Variants in PRKCG observed in about 807,000 individuals in gnomAD.
PRKCG encodes the protein protein kinase C gamma type.
Under a neutral mutation model 82.0 loss-of-function variants are expected in PRKCG, and 28 were observed. That is an observed-to-expected ratio of 0.34 (90% CI 0.25 to 0.47). The LOEUF is 0.47. PRKCG is among the 20% of genes least tolerant of loss of function. The probability of loss-of-function intolerance (pLI) is 1.00; values close to 1 mark genes in which losing one functional copy is unlikely to be tolerated. For missense variants in PRKCG, 640 were observed against 952.7 expected (o/e 0.67, Z 4.32); for synonymous variants, 383 against 376.6 (o/e 1.02, Z -0.20).
Position 53,882,462 on chromosome 19 carries a change from C to G in PRKCG, c.-33C>G. 6.3e-7 allele frequency: 1 copy of G among 1,598,244 alleles called. No individual in the cohort carries two copies. On this transcript the variant is annotated 5_prime_UTR_variant, in exon 1 of 18. Coordinates refer to ENST00000263431, the MANE Select transcript of PRKCG (RefSeq NM_002739.5). This position sits in a 1 kb window ranked among gnomAD's most constrained non-coding sequence, Gnocchi z 6.1. ...TTCCACCTGTTTCCCCCAAGAAAGG[C>G]AGGATCCTGGTCCCTGCTACGTTTC...
intron 15 of PRKCG, 150 bp downstream of exon 15, chr19:53,903,303 GTGTTTTGTTTTGTTT>G: frequency 1.3e-6 from 1 of 744,430 alleles, no homozygotes. Context: ...TGTAGACCAG[GTGTTTTGTTTTGTTT>G]TGTTTTGTTT....
At chr19:53,893,491 T>A (rs550607891) in intron 9 of PRKCG, 100 bp downstream of exon 9, 2 of 1,291,614 alleles carry the variant, frequency 1.5e-6, no homozygotes, top group East Asian at 4.6e-5. Context: ...ACACATGAGT[T>A]GAGCACACAT....
At position 53,894,444 on chromosome 19, in the gene PRKCG, CT is replaced by C. The variant is rs201216921; in HGVS notation, c.939+1058del. On this transcript the variant is annotated intron_variant, in intron 9 of 17. Coordinates refer to ENST00000263431, the MANE Select transcript of PRKCG (RefSeq NM_002739.5). ...ATTCATTCACTCACTGAATATCCTT[CT>C]TTTTCTTTCTTTCTTTCTTTCTTTT... 5.7e-3 allele frequency among the ~76,000 whole-genome samples: 861 copies of C among 150,820 alleles called. 10 individuals carry two copies. The highest frequency in any genetic ancestry group is 0.02 in the African/African-American group (794 of 40,546).
chr19:53,897,881 G>A, intron 9 of PRKCG, 78 bp from the exon 10 acceptor site: 4 of 1,590,330 alleles, frequency 2.5e-6, no homozygotes, highest in South Asian at 1.1e-5. Flanking sequence ...TTTCTTGGGT[G>A]CTGTGTCTCT....
Position 53,898,580 on chromosome 19 carries a change from C to T in PRKCG, c.1233C>T (p.Gly411=). The T allele has an allele frequency of 6.2e-7, 1 of 1,607,254 alleles. No homozygotes were observed. The stretch of plus-strand genomic sequence containing the variant: ...TGGCGCTGGGGGGCCGGGGTCCTGG[C>T]GGCCGGCCCCACTTCCTCACCCAGC... ...RVLALGGRGP[G]GRPHFLTQLH... Residue 411 remains glycine, a synonymous_variant, in exon 11 of 18, where the codon GGC becomes GGT. Transcript: ENST00000263431.
chr19:53,888,829 T>C (rs1231973058), intron 3 of PRKCG, among the ~76,000 whole-genome samples: 2 of 152,096 alleles, frequency 1.3e-5, no homozygotes, highest in Non-Finnish European at 2.9e-5. Context: ...CCTCAAATAA[T>C]AACTTGTGGG....
intron 9 of PRKCG, 112 bp downstream of exon 9, chr19:53,893,503 T>G: frequency 8.4e-7 from 1 of 1,189,132 alleles, no homozygotes; most frequent in Non-Finnish European, 1.2e-6. Flanking sequence ...AGCACACATT[T>G]GTGCTAGGCC....
Position 53,891,685 on chromosome 19 carries a change from C to G in PRKCG, c.541C>G (p.Arg181Gly), listed in dbSNP as rs1209505101. 2 of 1,613,960 alleles carry G rather than the reference C, an allele frequency of 1.2e-6. No individual in the cohort carries two copies. The highest frequency in any genetic ancestry group is 1.7e-6 in the Non-Finnish European group (2 of 1,179,964). Residue 181 changes from arginine to glycine, a missense_variant, in exon 6 of 18, where the codon CGT becomes GGT. Arg to Gly is a moderately radical substitution (Grantham distance 125). Around this residue, in one of 7 missense-constraint regions of PRKCG, gnomAD observed 261 missense variants for 312.1 expected, o/e 0.84. Transcript: ENST00000263431. ...CACTCCCCGTTTAGTTGGCGAGGCC[C>G]GTAACCTAATTCCTATGGACCCCAA... The part of the protein sequence containing the change: ...DEIHVTVGEA[R>G]NLIPMDPNGL...
Position 53,883,070 on chromosome 19 carries a change from G to T in PRKCG, c.171-93G>T. On this transcript the variant is annotated intron_variant, in intron 1 of 17. Coordinates refer to ENST00000263431, the MANE Select transcript of PRKCG (RefSeq NM_002739.5). The surrounding 1 kb of genome is among the most constrained non-coding windows in gnomAD (Gnocchi z 5.4). ...CTTGGACACCTGGGCCCTGCGGGAG[G>T]AGGGTCAGAGAGCGCAGGCCCCCTG... 3 of 1,504,194 alleles carry T rather than the reference G, an allele frequency of 2.0e-6. No individual in the cohort carries two copies. Among genetic ancestry groups the T allele is most frequent in the Non-Finnish European group, 2.8e-6 (3 of 1,080,750 alleles). The allele number at this position is 1,504,194 out of a possible 1,614,324, so 93.2% of individuals were successfully genotyped here.
Position 53,885,899 on chromosome 19 carries a change from C to T in PRKCG, c.285+1656C>T, listed in dbSNP as rs117438991. Among the ~76,000 whole-genome samples, 160 of 151,380 alleles carry T rather than the reference C, an allele frequency of 1.1e-3. 4 individuals carry two copies. The East Asian group carries it at 0.026, about 25-fold the overall frequency. On this transcript the variant is annotated intron_variant, in intron 3 of 17. Coordinates refer to ENST00000263431, the MANE Select transcript of PRKCG (RefSeq NM_002739.5). Reference sequence around the variant, plus strand: ...AGATAAGTCTGATGCATCCAGTGCTCATTGGGTACACTCATCAAGATTTTT... The same window carrying T: ...AGATAAGTCTGATGCATCCAGTGCTTATTGGGTACACTCATCAAGATTTTT...
chr19:53,890,551 G>A (rs150632229), intron 5 of PRKCG, among the ~76,000 whole-genome samples: 8,530 of 151,592 alleles, frequency 0.056, 748 homozygotes, highest in African/African-American at 0.18. Context: ...GAGCCACCGC[G>A]CCTGGCCAAT....
rs759366695 is a variant in PRKCG at position 53,882,614 on chromosome 19, T to A, written c.120T>A (p.Ala40=). ...AAGTCAAGAGCCACAAGTTCACCGCTCGCTTCTTCAAGCAGCCCACCTTCT... is the reference window on the plus strand; with the variant it reads ...AAGTCAAGAGCCACAAGTTCACCGCACGCTTCTTCAAGCAGCCCACCTTCT... ...VHEVKSHKFT[A]RFFKQPTFCS... Residue 40 remains alanine (A), a synonymous_variant, in exon 1 of 18, where the codon GCT becomes GCA. Transcript: ENST00000263431. This position sits in a 1 kb window ranked among gnomAD's most constrained non-coding sequence, Gnocchi z 6.1. The A allele has an allele frequency of 1.4e-5, 23 of 1,612,932 alleles. No homozygotes were observed. Among genetic ancestry groups the A allele is most frequent in the Non-Finnish European group, 1.9e-5 (23 of 1,179,714 alleles).
Position 53,897,984 on chromosome 19 carries a change from C to T in PRKCG, c.965C>T (p.Ser322Phe). 1 of 1,614,162 alleles carries T rather than the reference C, an allele frequency of 6.2e-7. No homozygotes were observed. The highest frequency in any genetic ancestry group is 1.1e-5 in the South Asian group (1 of 91,086). Reference protein sequence around the residue: ...YERVRMGPSSSPIPSPSPSPT... With the variant: ...YERVRMGPSSFPIPSPSPSPT... ...CGGGTGCGGATGGGCCCCTCTTCCT[C>T]TCCCATCCCCTCCCCTTCCCCTAGT... The change falls in exon 10 of 18, where the codon TCT (serine) becomes TTT (phenylalanine). Residue 322 changes from serine to phenylalanine, a missense_variant. By Grantham distance (155) the Ser-to-Phe change is radical. Transcript: ENST00000263431.
chr19:53,882,851 C>T lies in PRKCG; in HGVS notation c.170+187C>T, dbSNP rs1009040432. Among the ~76,000 whole-genome samples, 3 of 152,012 alleles carry T rather than the reference C, an allele frequency of 2.0e-5. No individual in the cohort carries two copies. Among genetic ancestry groups the T allele is most frequent in the South Asian group, 4.2e-4 (2 of 4,818 alleles). ...GAGGAGGAGGCTGGTTCCTGGAGTGCTGGGTCCGAGGGAGGAGGAGGCTGG... is the reference window on the plus strand; with the variant it reads ...GAGGAGGAGGCTGGTTCCTGGAGTGTTGGGTCCGAGGGAGGAGGAGGCTGG... On this transcript the variant is annotated intron_variant, in intron 1 of 17. Coordinates refer to ENST00000263431, the MANE Select transcript of PRKCG (RefSeq NM_002739.5). The surrounding 1 kb of genome is among the most constrained non-coding windows in gnomAD (Gnocchi z 6.1).
At chr19:53,899,547 G>T (rs2068747170) in intron 11 of PRKCG, among the ~76,000 whole-genome samples, 1 of 152,076 alleles carries the variant, frequency 6.6e-6, no homozygotes. Context: ...AATGAGAGTG[G>T]CCAGCCACCT....
chr19:53,890,216 A>G (rs560395012), intron 5 of PRKCG, among the ~76,000 whole-genome samples, 199 bp downstream of exon 5: 1 of 150,258 alleles, frequency 6.7e-6, no homozygotes, highest in Admixed American at 6.6e-5. Context: ...CCCGCCTCCA[A>G]CCTGGCTTCT....
At position 53,892,721 on chromosome 19, in the gene PRKCG, C is replaced by T. The variant is rs1599945873; in HGVS notation, c.821+78C>T. On this transcript the variant is annotated intron_variant, in intron 7 of 17. Transcript: ENST00000263431. The surrounding 1 kb of genome is among the most constrained non-coding windows in gnomAD (Gnocchi z 5.9). ...CTGTGTGTGGTCTCTCTCCTCCAGGCCACTGTCCTTCCCTCTGCCTCCCAG... is the reference window on the plus strand; with the variant it reads ...CTGTGTGTGGTCTCTCTCCTCCAGGTCACTGTCCTTCCCTCTGCCTCCCAG... The T allele has an allele frequency of 6.5e-7, 1 of 1,535,050 alleles. No individual in the cohort carries two copies. The highest frequency in any genetic ancestry group is 2.3e-5 in the East Asian group (1 of 42,742).
At chr19:53,890,159 A>T in intron 5 of PRKCG, 142 bp downstream of exon 5, 1 of 926,586 alleles carries the variant, frequency 1.1e-6, no homozygotes, top group Admixed American at 2.3e-5. Context: ...TCCTGACCCC[A>T]CCCCAAAGGC....
chr19:53,885,786 C>T (rs144386174), intron 3 of PRKCG, among the ~76,000 whole-genome samples: 1 of 152,198 alleles, frequency 6.6e-6, no homozygotes, highest in East Asian at 1.9e-4. Flanking sequence ...GATGTGACTT[C>T]ATAGAACATA....
Sources: allele counts gnomAD v4.1 joint callset (sites outside exome capture counted in the v4.1 genomes callset), GRCh38; gene constraint gnomAD v4.1.1; regional missense constraint gnomAD v4.1.1; non-coding constraint Gnocchi (gnomAD v3.1); transcripts MANE v1.5; gene names NCBI Gene and HGNC (gene_info 2026-07-23, HGNC 2026-07-21).